The following EPHA6 variants were observed in gnomAD, a reference collection of about 807,000 sequenced individuals.
The protein encoded by EPHA6 is EPH receptor A6.
Under a neutral mutation model 112.0 loss-of-function variants are expected in EPHA6, and 50 were observed. The ratio of observed to expected loss-of-function variants is 0.45; its 90% confidence interval spans 0.36 to 0.56. The LOEUF (loss-of-function observed/expected upper bound fraction) is 0.56, where lower values mean the gene tolerates loss of function less well. Among genes scored for constraint, EPHA6 ranks in the 20% least tolerant of loss-of-function variants. The probability of loss-of-function intolerance (pLI) is 0.00; values close to 1 mark genes in which losing one functional copy is unlikely to be tolerated. For missense variants in EPHA6, 1,280 were observed against 1,417.4 expected (o/e 0.90, Z 1.56); for synonymous variants, 529 against 490.7 (o/e 1.08, Z -1.03).
In EPHA6 at chr3:96,987,383, G is replaced by C; in HGVS notation, c.504G>C (p.Gln168His). ...DEHNRPIHTY[Q>H]VCNVMEPNQN... ...ATAATAGGCCCATTCACACATACCA[G>C]GTATGTAATGTAATGGAACCAAACC... Residue 168 changes from glutamine (Q) to histidine (H), a missense_variant, in exon 3 of 18, where the codon CAG (glutamine) becomes CAC (histidine). Gln to His is a conservative substitution (Grantham distance 24). This residue lies in a region of EPHA6 where 878 missense variants were observed against 999.7 expected (regional missense o/e 0.88). Coordinates refer to ENST00000389672, the MANE Select transcript of EPHA6 (RefSeq NM_001080448.3). 1 of 1,613,776 alleles carries C rather than the reference G, an allele frequency of 6.2e-7. No homozygotes were observed. Among genetic ancestry groups the C allele is most frequent in the Non-Finnish European group, 8.5e-7 (1 of 1,179,784 alleles).
At chr3:97,334,486 T>C in intron 5 of EPHA6, among the ~76,000 whole-genome samples, 1 of 149,554 alleles carries the variant, frequency 6.7e-6, no homozygotes, top group Non-Finnish European at 1.5e-5. Context: ...TTCTTTTTTT[T>C]TTTTTTTTGA....
At chr3:96,971,096 G>T (rs1227115847) in intron 2 of EPHA6, among the ~76,000 whole-genome samples, 4 of 152,024 alleles carry the variant, frequency 2.6e-5, no homozygotes, top group African/African-American at 9.7e-5. Flanking sequence ...TTATCGTTAA[G>T]TAAGAATCTC....
At chr3:96,940,806 T>C (rs909420936) in intron 2 of EPHA6, among the ~76,000 whole-genome samples, 17 of 152,182 alleles carry the variant, frequency 1.1e-4, no homozygotes, top group Non-Finnish European at 2.2e-4. Context: ...GGTGACAAAA[T>C]CTCTCGGCAT....
intron 13 of EPHA6, among the ~76,000 whole-genome samples, chr3:97,636,731 C>A (rs2093948536): frequency 6.6e-6 from 1 of 152,042 alleles, no homozygotes; most frequent in Admixed American, 6.6e-5. Flanking sequence ...GGTTTGAAAT[C>A]AGATATGTAT....
At chr3:97,453,372 G>A (rs1035670671) in intron 7 of EPHA6, among the ~76,000 whole-genome samples, 3 of 151,562 alleles carry the variant, frequency 2.0e-5, no homozygotes, top group Non-Finnish European at 4.4e-5. Flanking sequence ...CAACATATAA[G>A]CAATGCATTC....
chr3:97,649,020 G>T (rs991877739), intron 14 of EPHA6, among the ~76,000 whole-genome samples: 2 of 151,984 alleles, frequency 1.3e-5, no homozygotes, highest in Non-Finnish European at 2.9e-5. Flanking sequence ...AAATGGAGGG[G>T]GTTTGACTGC....
chr3:97,016,950 T>C (rs1376063331), intron 3 of EPHA6, among the ~76,000 whole-genome samples: 1 of 152,188 alleles, frequency 6.6e-6, no homozygotes, highest in Non-Finnish European at 1.5e-5. Context: ...ATACCACTAG[T>C]TGTTTATCCA....
rs529229608 is a variant in EPHA6, at chr3:97,257,816, G to A, written c.1606+13529G>A. 9.2e-5 allele frequency among the ~76,000 whole-genome samples: 14 copies of A among 152,082 alleles called. No homozygotes were observed. In the South Asian group the frequency reaches 2.9e-3, roughly 32 times the overall value. Reference sequence around the variant, plus strand: ...GTGTACTATGTCTGTGAAATGGAATGACAAGTCTAGTGAATGAGAATAATG... The same window carrying A: ...GTGTACTATGTCTGTGAAATGGAATAACAAGTCTAGTGAATGAGAATAATG... On this transcript the variant is annotated intron_variant, in intron 5 of 17. Transcript: ENST00000389672.
At chr3:96,855,557 A>T (rs1340331184) in intron 1 of EPHA6, among the ~76,000 whole-genome samples, 2 of 152,080 alleles carry the variant, frequency 1.3e-5, no homozygotes, top group Non-Finnish European at 2.9e-5. Flanking sequence ...AACATGTTAC[A>T]TTTGAGAGGC....
At chr3:97,095,105 A>G (rs990848714) in intron 3 of EPHA6, among the ~76,000 whole-genome samples, 1 of 152,118 alleles carries the variant, frequency 6.6e-6, no homozygotes, top group African/African-American at 2.4e-5. Context: ...AAAACTGGCA[A>G]TCTGTTTTTA....
At chr3:97,467,099 CTCTA>C (rs2091081547) in intron 7 of EPHA6, among the ~76,000 whole-genome samples, 1 of 151,822 alleles carries the variant, frequency 6.6e-6, no homozygotes, top group Non-Finnish European at 1.5e-5. Flanking sequence ...TGATCTGCAT[CTCTA>C]TCTCTCTCAC....
intron 3 of EPHA6, among the ~76,000 whole-genome samples, chr3:96,995,339 A>C (rs1032303919): frequency 6.6e-6 from 1 of 152,104 alleles, no homozygotes; most frequent in Non-Finnish European, 1.5e-5. Context: ...TCAGAAAAAA[A>C]GGGCAGATTT....
chr3:97,243,855 A>T, intron 4 of EPHA6, 97 bp from the exon 5 acceptor site: 3 of 920,380 alleles, frequency 3.3e-6, no homozygotes, highest in Non-Finnish European at 4.9e-6. Flanking sequence ...AAACTAACAT[A>T]AAAGAGCAAC....
At chr3:96,976,768 T>A (rs1037435823) in intron 2 of EPHA6, among the ~76,000 whole-genome samples, 8 of 152,168 alleles carry the variant, frequency 5.3e-5, no homozygotes, top group Admixed American at 1.3e-4. Flanking sequence ...CACTTAGATC[T>A]TATGGTTTAT....
At chr3:96,860,210 T>C (rs185504883) in intron 1 of EPHA6, among the ~76,000 whole-genome samples, 2 of 152,268 alleles carry the variant, frequency 1.3e-5, no homozygotes, top group East Asian at 3.9e-4. Context: ...ATTTTCATTA[T>C]GTCCATGTAA....
chr3:96,868,109 T>C (rs2036423405), intron 2 of EPHA6, among the ~76,000 whole-genome samples: 1 of 151,906 alleles, frequency 6.6e-6, no homozygotes, highest in Non-Finnish European at 1.5e-5. Flanking sequence ...GTCATGTTTT[T>C]ACTTTTAAGA....
intron 3 of EPHA6, among the ~76,000 whole-genome samples, chr3:97,017,354 T>C (rs1337940063): frequency 6.6e-6 from 1 of 152,152 alleles, no homozygotes; most frequent in Non-Finnish European, 1.5e-5. Flanking sequence ...TCCTTTGTAA[T>C]AGCAGAAAGC....
In EPHA6 at chr3:96,816,043, T is replaced by A. The variant is rs144238027; in HGVS notation, c.385+1035T>A. Among the ~76,000 whole-genome samples, 706 of 152,288 alleles carry A rather than the reference T, an allele frequency of 4.6e-3. 4 individuals are homozygous for A. The highest frequency in any genetic ancestry group is 0.012 in the South Asian group (60 of 4,826). On this transcript the variant is annotated intron_variant, in intron 1 of 17. Coordinates refer to ENST00000389672, the MANE Select transcript of EPHA6 (RefSeq NM_001080448.3). ...TATGTTTCAGAGTCTCGAAGTAATT[T>A]GCAGGTATAAAAATGGAGGTCAGAT... is the stretch of plus-strand genomic sequence containing the variant.
chr3:97,373,214 T>G (rs2085160085), intron 5 of EPHA6, among the ~76,000 whole-genome samples: 1 of 152,160 alleles, frequency 6.6e-6, no homozygotes. Context: ...AATGTATGTT[T>G]TATATGAAGC....
Sources: gnomAD v4.1 joint callset for allele counts (sites outside exome capture counted in the v4.1 genomes callset) on GRCh38, gnomAD v4.1.1 for gene constraint, gnomAD v4.1.1 regional missense constraint, MANE v1.5 for transcripts, NCBI Gene and HGNC (gene_info 2026-07-23, HGNC 2026-07-21) for gene names.